The following METTL15 variants were observed in gnomAD, a reference collection of about 807,000 sequenced individuals.
The protein encoded by METTL15 is methyltransferase 15, mitochondrial 12S rRNA N4-cytidine.
Under a neutral mutation model 38.3 loss-of-function variants are expected in METTL15, and 34 were observed. That is an observed-to-expected ratio of 0.89 (90% CI 0.68 to 1.18). The LOEUF (loss-of-function observed/expected upper bound fraction) is 1.18, where lower values mean the gene tolerates loss of function less well. METTL15 is among the 50% of genes most tolerant of loss of function. The pLI is 0.00. For synonymous variants in METTL15, 162 were observed against 170.9 expected, an observed-to-expected ratio of 0.95 and a Z score of 0.41; for missense variants, 438 against 498.4, an observed-to-expected ratio of 0.88 and a Z score of 1.15.
chr11:28,157,310 C>A (rs1167799710), intron 3 of METTL15, among the ~76,000 whole-genome samples: 3 of 152,140 alleles, frequency 2.0e-5, no homozygotes, highest in Non-Finnish European at 4.4e-5. Context: ...GGGACCAGAA[C>A]AACAGAAGGT....
At chr11:28,174,880 CATCTTTCTAT>C (rs1851001691) in intron 3 of METTL15, among the ~76,000 whole-genome samples, 1 of 150,040 alleles carries the variant, frequency 6.7e-6, no homozygotes, top group South Asian at 2.1e-4. Flanking sequence ...TAAAACCATA[CATCTTTCTAT>C]GTATTGAAGA....
intron 4 of METTL15, among the ~76,000 whole-genome samples, chr11:28,285,253 T>C (rs1190277283): frequency 6.6e-6 from 1 of 152,144 alleles, no homozygotes; most frequent in East Asian, 1.9e-4. Context: ...CTAACATACA[T>C]GGTTTAAAGC....
chr11:28,163,539 C>T (rs1004358073), intron 3 of METTL15: 1 of 397,330 alleles, frequency 2.5e-6, no homozygotes, highest in African/African-American at 2.1e-5. Flanking sequence ...ATCTCTCTCT[C>T]TCTCTCTCTC....
intron 5 of METTL15, among the ~76,000 whole-genome samples, chr11:28,377,605 T>C (rs1355618935): frequency 2.6e-5 from 4 of 152,058 alleles, no homozygotes; most frequent in South Asian, 2.1e-4. Flanking sequence ...TTGGTTTGAA[T>C]GTCCTCCCGT....
At chr11:28,184,602 C>T (rs373276303) in intron 3 of METTL15, among the ~76,000 whole-genome samples, 20 of 150,984 alleles carry the variant, frequency 1.3e-4, no homozygotes, top group African/African-American at 3.6e-4. Flanking sequence ...AAGGATAACA[C>T]GTTTAAATAC....
intron 4 of METTL15, among the ~76,000 whole-genome samples, chr11:28,260,601 G>T (rs1317257610): frequency 1.3e-5 from 2 of 152,110 alleles, no homozygotes; most frequent in African/African-American, 2.4e-5. Context: ...ACTAAAGACA[G>T]AAAAGAGCTA....
intron 6 of METTL15, among the ~76,000 whole-genome samples, chr11:28,425,819 T>G (rs571425593): frequency 6.6e-6 from 1 of 152,344 alleles, no homozygotes; most frequent in South Asian, 2.1e-4. Flanking sequence ...AGCAAATATT[T>G]TTTGTATAAA....
At chr11:28,131,770 GT>G (rs918588152) in intron 3 of METTL15, among the ~76,000 whole-genome samples, 4 of 152,202 alleles carry the variant, frequency 2.6e-5, no homozygotes, top group Non-Finnish European at 5.9e-5. Flanking sequence ...AACAGTTTTT[GT>G]TGTCTTGGAA....
intron 3 of METTL15, among the ~76,000 whole-genome samples, chr11:28,186,811 T>C (rs1453118661): frequency 1.3e-5 from 2 of 151,126 alleles, no homozygotes; most frequent in Non-Finnish European, 3.0e-5. Context: ...AAGTTTAATA[T>C]ATGTTCATAA....
chr11:28,402,192 C>T (rs926434270), intron 5 of METTL15, among the ~76,000 whole-genome samples: 1 of 151,924 alleles, frequency 6.6e-6, no homozygotes, highest in Non-Finnish European at 1.5e-5. Flanking sequence ...GTCATTCTGC[C>T]TCCTTCCTTT....
the METTL15 span, among the ~76,000 whole-genome samples, chr11:28,532,237 T>C: frequency 2.0e-5 from 3 of 152,068 alleles, no homozygotes; most frequent in African/African-American, 7.2e-5. Flanking sequence ...GATCACTTTT[T>C]GTTCCCTGTG....
intron 3 of METTL15, among the ~76,000 whole-genome samples, chr11:28,338,697 A>G (rs1013635774): frequency 5.3e-5 from 8 of 152,152 alleles, no homozygotes; most frequent in Non-Finnish European, 1.2e-4. Context: ...GAGTCTTCCT[A>G]GATTTAAATA....
chr11:28,516,214 G>T (rs1167657158), intron 6 of METTL15, among the ~76,000 whole-genome samples: 2 of 152,170 alleles, frequency 1.3e-5, no homozygotes, highest in Non-Finnish European at 2.9e-5. Context: ...TTGGGGAAAG[G>T]AATCTGGTTC....
intron 3 of METTL15, among the ~76,000 whole-genome samples, chr11:28,168,168 T>G (rs1455092213): frequency 2.0e-5 from 3 of 152,086 alleles, no homozygotes; most frequent in Non-Finnish European, 4.4e-5. Context: ...TTGCCCATAT[T>G]TATTGAACAC....
At chr11:28,144,266 A>G (rs1051944846) in intron 3 of METTL15, among the ~76,000 whole-genome samples, 7 of 152,184 alleles carry the variant, frequency 4.6e-5, no homozygotes, top group Admixed American at 2.0e-4. Context: ...TTAGAAAACA[A>G]CATAAAATAG....
At chr11:28,407,666 G>A (rs1001575060) in intron 5 of METTL15, among the ~76,000 whole-genome samples, 1 of 152,118 alleles carries the variant, frequency 6.6e-6, no homozygotes, top group Non-Finnish European at 1.5e-5. Flanking sequence ...ACAGATGTTG[G>A]TGAGGCTGTG....
intron 6 of METTL15, among the ~76,000 whole-genome samples, chr11:28,306,274 TG>T (rs1411823974): frequency 6.6e-6 from 1 of 152,138 alleles, no homozygotes; most frequent in Non-Finnish European, 1.5e-5. Context: ...CTGCTGGCAT[TG>T]TATGTTTGAT....
intron 4 of METTL15, among the ~76,000 whole-genome samples, chr11:28,285,362 A>ATT (rs34972962): frequency 1.9e-3 from 279 of 144,802 alleles, no homozygotes; most frequent in African/African-American, 6.3e-3. Flanking sequence ...ACATCATGAG[A>ATT]TTTTTTTTTT....
intron 6 of METTL15, among the ~76,000 whole-genome samples, chr11:28,311,750 A>C (rs1857311504): frequency 6.6e-6 from 1 of 152,264 alleles, no homozygotes; most frequent in Non-Finnish European, 1.5e-5. Flanking sequence ...AACATATTTT[A>C]GATGTCTAGA....
Sources: gnomAD v4.1 joint callset for allele counts (sites outside exome capture counted in the v4.1 genomes callset) on GRCh38, gnomAD v4.1.1 for gene constraint, MANE v1.5 for transcripts, NCBI Gene and HGNC (gene_info 2026-07-23, HGNC 2026-07-21) for gene names.